The following CUBN variants were observed in gnomAD, a reference collection of about 807,000 sequenced individuals.
The protein encoded by CUBN is cubilin.
A neutral mutation model predicts 405.3 loss-of-function variants in CUBN; 282 were observed. That is an observed-to-expected ratio of 0.70 (90% CI 0.63 to 0.77). CUBN has a LOEUF of 0.77. CUBN is among the 30% of genes least tolerant of loss of function. CUBN has a pLI of 0.00. For synonymous variants in CUBN, 1,684 were observed against 1,617.0 expected (o/e 1.04, Z -0.99); for missense variants, 4,514 against 4,475.2 (o/e 1.01, Z -0.25).
intron 41 of CUBN, among the ~76,000 whole-genome samples, chr10:16,927,688 C>T (rs1276718): frequency 0.64 from 97,748 of 152,046 alleles, 31,934 homozygotes; most frequent in East Asian, 0.91. Context: ...ATATGGTGCC[C>T]GCTTTTGACT....
intron 59 of CUBN, among the ~76,000 whole-genome samples, chr10:16,857,586 G>C (rs1010417920): frequency 9.2e-5 from 14 of 152,178 alleles, no homozygotes; most frequent in African/African-American, 3.4e-4. Context: ...ACATGATCAT[G>C]TCAGTTGATG....
chr10:16,964,931 C>T (rs995646579), intron 31 of CUBN, among the ~76,000 whole-genome samples: 1 of 152,218 alleles, frequency 6.6e-6, no homozygotes, highest in Non-Finnish European at 1.5e-5. Flanking sequence ...CCATGTTCCA[C>T]AAACCCCGAA....
Position 16,915,996 on chromosome 10 carries a change from A to G in CUBN, c.7035T>C (p.Gly2345=), listed in dbSNP as rs1281118648. The G allele has an allele frequency of 6.2e-7, 1 of 1,614,138 alleles. No homozygotes were observed. Among genetic ancestry groups the G allele is most frequent in the South Asian group, 1.1e-5 (1 of 91,080 alleles). Residue 2345 remains glycine, a synonymous_variant, in exon 46 of 67, where the codon GGT becomes GGC. Transcript: ENST00000377833. Reference sequence around the variant, plus strand: ...TTGGATGTCCAATGCTTTCAACAACACCACTTTGCCCTGGTACTCTTCCCC... The same window carrying G: ...TTGGATGTCCAATGCTTTCAACAACGCCACTTTGCCCTGGTACTCTTCCCC... ...QCGGRVPGQS[G]VVESIGHPTL...
At chr10:16,998,287 T>C (rs1176432625) in intron 28 of CUBN, among the ~76,000 whole-genome samples, 45 of 152,090 alleles carry the variant, frequency 3.0e-4, no homozygotes, top group Non-Finnish European at 5.9e-5. Context: ...TGAAATCCAA[T>C]ATTCTTGGTA....
At chr10:17,041,696 A>T (rs936920087) in intron 26 of CUBN, among the ~76,000 whole-genome samples, 1 of 152,154 alleles carries the variant, frequency 6.6e-6, no homozygotes, top group Non-Finnish European at 1.5e-5. Context: ...TCCTATGGGA[A>T]TGCTAAAAAC....
chr10:17,100,109 G>C lies in CUBN; in HGVS notation c.1661C>G (p.Pro554Arg), dbSNP rs1188797490. 6.2e-7 allele frequency: 1 copy of C among 1,613,842 alleles called. No homozygotes were observed. Among genetic ancestry groups the C allele is most frequent in the African/African-American group, 1.3e-5 (1 of 75,032 alleles). The change falls in exon 14 of 67, where the codon CCT (proline) becomes CGT (arginine). Residue 554 changes from proline (P) to arginine (R), a missense_variant. This residue lies in a region of CUBN where 1,448 missense variants were observed against 1,388.0 expected (regional missense o/e 1.04). Transcript: ENST00000377833. ...QLGRFCGSSL[P>R]HELLSSDNAL... is the part of the protein sequence containing the mutation. Reference sequence around the variant, plus strand: ...ATTGTCACTGCTGAGGAGTTCATGAGGGAGGCTGGAGCCACAAAATCTTCC... The same window carrying C: ...ATTGTCACTGCTGAGGAGTTCATGACGGAGGCTGGAGCCACAAAATCTTCC...
chr10:17,105,120 T>A (rs527937113), intron 11 of CUBN, among the ~76,000 whole-genome samples: 1 of 152,222 alleles, frequency 6.6e-6, no homozygotes, highest in South Asian at 2.1e-4. Flanking sequence ...ATTTAACAGG[T>A]GCTACAAATA....
chr10:16,870,397 G>C (rs916591794), intron 58 of CUBN, among the ~76,000 whole-genome samples: 1 of 152,156 alleles, frequency 6.6e-6, no homozygotes, highest in African/African-American at 2.4e-5. Context: ...TGAAGAACAG[G>C]AAATTTACAT....
intron 56 of CUBN, 52 bp downstream of exon 56, chr10:16,888,365 T>C: frequency 1.4e-6 from 2 of 1,418,340 alleles, no homozygotes; most frequent in Non-Finnish European, 9.9e-7. Context: ...ACCATAAATA[T>C]ACAATTTTTG....
In CUBN at chr10:16,876,894, C is replaced by T; in HGVS notation, c.9106+3G>A. 2 of 1,612,818 alleles carry T rather than the reference C, an allele frequency of 1.2e-6. No homozygotes were observed. The highest frequency in any genetic ancestry group is 1.7e-6 in the Non-Finnish European group (2 of 1,178,872). On this transcript the variant is annotated splice_donor_region_variant and intron_variant, in intron 57 of 66. Coordinates refer to ENST00000377833, the MANE Select transcript of CUBN (RefSeq NM_001081.4). ...TCCAAACTCTGTCATTATGGCTACT[C>T]ACAGATTATCCTATAGGAAAACTTG... is the stretch of plus-strand genomic sequence containing the variant.
At chr10:17,048,376 G>A (rs985462411) in intron 22 of CUBN, among the ~76,000 whole-genome samples, 1 of 152,138 alleles carries the variant, frequency 6.6e-6, no homozygotes, top group African/African-American at 2.4e-5. Flanking sequence ...CAGTTTTAAC[G>A]TTACCTATTC....
chr10:17,092,932 T>C (rs566565082), intron 14 of CUBN, among the ~76,000 whole-genome samples: 1 of 152,322 alleles, frequency 6.6e-6, no homozygotes, highest in Non-Finnish European at 1.5e-5. Flanking sequence ...TGATTAATGA[T>C]TGATAATAGT....
At chr10:16,838,020 C>T (rs1839225464) in intron 62 of CUBN, among the ~76,000 whole-genome samples, 1 of 152,156 alleles carries the variant, frequency 6.6e-6, no homozygotes, top group Non-Finnish European at 1.5e-5. Context: ...GGGCCTGTTC[C>T]ACTTGGCTGT....
chr10:16,993,008 C>T (rs1328482750), intron 28 of CUBN, among the ~76,000 whole-genome samples: 1 of 152,192 alleles, frequency 6.6e-6, no homozygotes, highest in Non-Finnish European at 1.5e-5. Context: ...GCACCGCTCA[C>T]AGGACATTCT....
At chr10:16,963,196 C>CTTTTTTTTT (rs200023246) in intron 31 of CUBN, among the ~76,000 whole-genome samples, 5 of 83,978 alleles carry the variant, frequency 6.0e-5, no homozygotes, top group Admixed American at 1.8e-4. Context: ...TCTTTTTTTT[C>CTTTTTTTTT]TTTTTTTTTT....
chr10:17,103,068 C>A (rs769928110), intron 13 of CUBN, 57 bp downstream of exon 13: 4 of 927,068 alleles, frequency 4.3e-6, no homozygotes, highest in Non-Finnish European at 5.3e-6. Context: ...TATACACATA[C>A]TCCATATTTA....
chr10:17,117,303 A>G (rs10904880), intron 6 of CUBN, among the ~76,000 whole-genome samples: 92,125 of 151,982 alleles, frequency 0.61, 29,180 homozygotes, highest in Non-Finnish European at 0.71. Context: ...GATCCAGGAG[A>G]CTTCATTACT....
chr10:16,869,164 A>AT (rs72310717), intron 59 of CUBN, among the ~76,000 whole-genome samples: 3,569 of 121,082 alleles, frequency 0.029, 180 homozygotes, highest in African/African-American at 0.086. Context: ...TACCAAAGTG[A>AT]TTTTTTTTTT....
At chr10:16,890,258 C>T (rs1564405593) in intron 55 of CUBN, 113 bp downstream of exon 55, 1 of 953,846 alleles carries the variant, frequency 1.0e-6, no homozygotes, top group East Asian at 2.4e-5. Flanking sequence ...GACTCATCCT[C>T]CCCGTAGACC....
Sources: allele counts gnomAD v4.1 joint callset (sites outside exome capture counted in the v4.1 genomes callset), GRCh38; gene constraint gnomAD v4.1.1; regional missense constraint gnomAD v4.1.1; transcripts MANE v1.5; gene names NCBI Gene and HGNC (gene_info 2026-07-23, HGNC 2026-07-21).